KAT14: variants seen among roughly 807,000 people sequenced by gnomAD.
KAT14 encodes cysteine-rich protein 2-binding protein.
In KAT14, 66 loss-of-function variants were observed where a neutral mutation model predicts 78.4. The observed-to-expected ratio is 0.84, with a 90% CI of 0.69 to 1.03. The LOEUF (loss-of-function observed/expected upper bound fraction) is 1.03. Ranked by LOEUF, KAT14 falls within the 50% of genes least tolerant of loss-of-function variation. KAT14 has a pLI of 0.00. For synonymous variants in KAT14, 344 were observed against 359.4 expected (o/e 0.96, Z 0.48); for missense variants, 870 against 972.5 (o/e 0.89, Z 1.40).
At chr20:18,138,558 A>G in intron 1 of KAT14, 2 of 707,302 alleles carry the variant, frequency 2.8e-6, no homozygotes, top group Non-Finnish European at 3.5e-6. Flanking sequence ...TCCCATGGTA[A>G]GGGAGCCCCC....
At position 18,142,432 on chromosome 20, in the gene KAT14, A is replaced by G; in HGVS notation, c.-229A>G. Reference sequence around the variant, plus strand: ...TGTTGATGGAGAGTAGCTTAGTAGTATCTTCATCTTTTTTTTTGGTCACTG... The same window carrying G: ...TGTTGATGGAGAGTAGCTTAGTAGTGTCTTCATCTTTTTTTTTGGTCACTG... On this transcript the variant is annotated 5_prime_UTR_variant, in exon 2 of 11. Coordinates refer to ENST00000688188, the MANE Select transcript of KAT14 (RefSeq NM_001392073.1). 7.0e-7 allele frequency: 1 copy of G among 1,430,028 alleles called. No homozygotes were observed. Among genetic ancestry groups the G allele is most frequent in the South Asian group, 1.4e-5 (1 of 70,654 alleles). 88.6% of individuals were successfully genotyped at this position (1,430,028 alleles called of 1,614,324 possible).
intron 2 of KAT14, chr20:18,143,293 C>A: frequency 1.8e-6 from 1 of 556,238 alleles, no homozygotes; most frequent in Non-Finnish European, 2.4e-6. Context: ...TAATATTTAA[C>A]TTACGTGGAG....
chr20:18,159,139 C>T lies in KAT14; in HGVS notation c.556C>T (p.Pro186Ser). ...TVAGCLSVGSPMYFRSGAQEF... is the reference protein window; with the variant it reads ...TVAGCLSVGSSMYFRSGAQEF... Reference sequence around the variant, plus strand: ...GGCAGGTTGCCTCAGCGTGGGAAGTCCCATGTACTTCCGTTCAGGTGCTCA... The same window carrying T: ...GGCAGGTTGCCTCAGCGTGGGAAGTTCCATGTACTTCCGTTCAGGTGCTCA... The change falls in exon 5 of 11, where the codon CCC becomes TCC. Residue 186 changes from proline (P) to serine (S), a missense_variant. By Grantham distance (74) the Pro-to-Ser change is moderately conservative. Coordinates refer to ENST00000688188, the MANE Select transcript of KAT14 (RefSeq NM_001392073.1). 1 of 1,613,956 alleles carries T rather than the reference C, an allele frequency of 6.2e-7. No homozygotes were observed. Among genetic ancestry groups the T allele is most frequent in the South Asian group, 1.1e-5 (1 of 91,052 alleles).
At chr20:18,176,540 A>G (rs919259368) in intron 7 of KAT14, among the ~76,000 whole-genome samples, 1 of 152,196 alleles carries the variant, frequency 6.6e-6, no homozygotes, top group African/African-American at 2.4e-5. Context: ...ATGGGGGTTC[A>G]GGACGGCCTC....
intron 4 of KAT14, among the ~76,000 whole-genome samples, chr20:18,155,687 A>G (rs2038200378): frequency 6.6e-6 from 1 of 152,228 alleles, no homozygotes; most frequent in Non-Finnish European, 1.5e-5. Flanking sequence ...AATCTATAAC[A>G]CGATACCACC....
chr20:18,142,237 T>A lies in KAT14; in HGVS notation c.-424T>A. The A allele has an allele frequency of 6.5e-7, 1 of 1,537,148 alleles. No individual in the cohort carries two copies. Among genetic ancestry groups the A allele is most frequent in the Non-Finnish European group, 8.7e-7 (1 of 1,146,892 alleles). Reference sequence around the variant, plus strand: ...TTCGTGACGGAGTTATCAGAGACATTGAGAGGCAAATTCGGAAAAAAGAAA... The same window carrying A: ...TTCGTGACGGAGTTATCAGAGACATAGAGAGGCAAATTCGGAAAAAAGAAA... On this transcript the variant is annotated 5_prime_UTR_variant, in exon 2 of 11. Coordinates refer to ENST00000688188, the MANE Select transcript of KAT14 (RefSeq NM_001392073.1).
Position 18,187,498 on chromosome 20 carries a change from A to G in KAT14, c.*39A>G. 6.2e-7 allele frequency: 1 copy of G among 1,611,198 alleles called. No homozygotes were observed. The highest frequency in any genetic ancestry group is 8.5e-7 in the Non-Finnish European group (1 of 1,179,234). On this transcript the variant is annotated 3_prime_UTR_variant, in exon 11 of 11. Transcript: ENST00000688188. ...CACAGAGAAACGCATGTGCTATTGG[A>G]GAACAGGTCTTTGTGGAGATCTAAA... is the stretch of plus-strand genomic sequence containing the variant.
In KAT14 at chr20:18,183,274, A is replaced by C. The variant is rs748551336; in HGVS notation, c.1957A>C (p.Met653Leu). The change falls in exon 9 of 11, where the codon ATG becomes CTG. Residue 653 changes from methionine to leucine, a missense_variant. By Grantham distance (15) the Met-to-Leu change is conservative. Transcript: ENST00000688188. ...AAATCACATCCCAACGATCAACTCC[A>C]TGTGTCAGGAGTTTTTTTGGCCTGG... ...RPNHIPTINS[M>L]CQEFFWPGID... The C allele has an allele frequency of 3.1e-6, 5 of 1,613,780 alleles. No homozygotes were observed. The highest frequency in any genetic ancestry group is 4.2e-6 in the Non-Finnish European group (5 of 1,179,908).
In KAT14 at chr20:18,181,690, C is replaced by T; in HGVS notation, c.1669-20C>T. 1 of 1,613,914 alleles carries T rather than the reference C, an allele frequency of 6.2e-7. No homozygotes were observed. The highest frequency in any genetic ancestry group is 8.5e-7 in the Non-Finnish European group (1 of 1,179,894). The stretch of plus-strand genomic sequence containing the variant: ...AGCCTGAGTAATTATTTCTATATAA[C>T]CAGTGTTTCTTTCTCATAGACTTCC... On this transcript the variant is annotated intron_variant, in intron 7 of 10. Coordinates refer to ENST00000688188, the MANE Select transcript of KAT14 (RefSeq NM_001392073.1).
intron 3 of KAT14, among the ~76,000 whole-genome samples, chr20:18,149,697 G>C (rs6034986): frequency 0.17 from 26,178 of 152,144 alleles, 2,865 homozygotes; most frequent in East Asian, 0.51. Flanking sequence ...ATTAGGCTGG[G>C]CGCAGTGGCT....
chr20:18,139,560 C>G (rs2037442693), intron 1 of KAT14, among the ~76,000 whole-genome samples: 3 of 152,016 alleles, frequency 2.0e-5, no homozygotes. Flanking sequence ...AATTTTAACA[C>G]AGGACTAAGC....
At position 18,137,950 on chromosome 20, in the gene KAT14, G is replaced by C. The variant is rs772989570; in HGVS notation, c.-555G>C. ...GGAGAGAGAGGCCGCGGCCGCCAGC[G>C]TGGGGATGTCTAGGAGCTCGAAGGT... is the stretch of plus-strand genomic sequence containing the variant. On this transcript the variant is annotated 5_prime_UTR_variant, in exon 1 of 11. Coordinates refer to ENST00000688188, the MANE Select transcript of KAT14 (RefSeq NM_001392073.1). The C allele has an allele frequency of 2.0e-6, 3 of 1,485,198 alleles. No individual in the cohort carries two copies. Among genetic ancestry groups the C allele is most frequent in the Non-Finnish European group, 2.7e-6 (3 of 1,125,628 alleles). 92.0% of individuals were successfully genotyped at this position (1,485,198 alleles called of 1,614,324 possible). A position where few individuals can be genotyped will look rare whatever the true frequency, so the allele number is the denominator to read the frequency against.
rs749066519 is a variant in KAT14 at position 18,142,794 on chromosome 20, A to G, written c.134A>G (p.Gln45Arg). The G allele has an allele frequency of 5.0e-6, 8 of 1,614,226 alleles. No homozygotes were observed. The highest frequency in any genetic ancestry group is 5.1e-6 in the Non-Finnish European group (6 of 1,180,038). Residue 45 changes from glutamine (Q) to arginine (R), a missense_variant, in exon 2 of 11, where the codon CAG becomes CGG. By Grantham distance (43) the Gln-to-Arg change is conservative. Coordinates refer to ENST00000688188, the MANE Select transcript of KAT14 (RefSeq NM_001392073.1). Reference protein sequence around the residue: ...ETLLIVESEDQASVDLSHDQS... With the variant: ...ETLLIVESEDRASVDLSHDQS... ...CTCCTGATCGTCGAATCCGAGGATC[A>G]GGCATCAGTGGACTTATCGCACGAC...
At chr20:18,174,784 C>T (rs60513865) in intron 7 of KAT14, among the ~76,000 whole-genome samples, 8,408 of 151,838 alleles carry the variant, frequency 0.055, 574 homozygotes, top group African/African-American at 0.16. Flanking sequence ...CTGCCTCAGC[C>T]ACCGAAGTAG....
chr20:18,175,255 G>A (rs2038994074), intron 7 of KAT14, among the ~76,000 whole-genome samples: 1 of 152,108 alleles, frequency 6.6e-6, no homozygotes, highest in African/African-American at 2.4e-5. Context: ...TTGCTTCCTA[G>A]GACTGTGGGA....
intron 2 of KAT14, among the ~76,000 whole-genome samples, chr20:18,143,684 A>G (rs1000683662): frequency 2.0e-5 from 3 of 147,454 alleles, no homozygotes; most frequent in Non-Finnish European, 4.5e-5. Flanking sequence ...CTGGAGTGCA[A>G]TGGCATGATC....
chr20:18,138,010 A>T lies in KAT14; in HGVS notation c.-495A>T. 2 of 1,502,510 alleles carry T rather than the reference A, an allele frequency of 1.3e-6. No individual in the cohort carries two copies. The highest frequency in any genetic ancestry group is 1.8e-6 in the Non-Finnish European group (2 of 1,132,372). The allele number at this position is 1,502,510 out of a possible 1,614,324, so 93.1% of individuals were successfully genotyped here. ...CCTCTCGGTGCTGCTGACGGCGGCC[A>T]CAGTGGCCGGCGTACATGTGAAGCA... On this transcript the variant is annotated 5_prime_UTR_variant, in exon 1 of 11. Transcript: ENST00000688188.
At chr20:18,140,686 C>G (rs2037501433) in intron 1 of KAT14, among the ~76,000 whole-genome samples, 1 of 151,786 alleles carries the variant, frequency 6.6e-6, no homozygotes, top group Non-Finnish European at 1.5e-5. Flanking sequence ...GTGGCGCACG[C>G]CTGTAATCTC....
chr20:18,162,532 A>C lies in KAT14; in HGVS notation c.1255A>C (p.Lys419Gln), dbSNP rs1242153920. ...IKQEVESEEEKPDRMDIDSED... is the reference protein window; with the variant it reads ...IKQEVESEEEQPDRMDIDSED... ...GCAGGAGGTAGAGAGTGAGGAGGAAAAACCCGACAGGATGGATATTGACAG... is the reference window on the plus strand; with the variant it reads ...GCAGGAGGTAGAGAGTGAGGAGGAACAACCCGACAGGATGGATATTGACAG... Residue 419 changes from lysine to glutamine, a missense_variant, in exon 7 of 11, where the codon AAA becomes CAA. Transcript: ENST00000688188. The C allele has an allele frequency of 1.9e-6, 3 of 1,614,164 alleles. No homozygotes were observed. Among genetic ancestry groups the C allele is most frequent in the South Asian group, 1.1e-5 (1 of 91,080 alleles).
Sources: gnomAD v4.1 joint callset for allele counts (sites outside exome capture counted in the v4.1 genomes callset) on GRCh38, gnomAD v4.1.1 for gene constraint, MANE v1.5 for transcripts, NCBI Gene and HGNC (gene_info 2026-07-23, HGNC 2026-07-21) for gene names.